The following LRRN1 variants were observed in gnomAD, a reference collection of about 807,000 sequenced individuals.
LRRN1 encodes the protein leucine rich repeat neuronal 1.
Under a neutral mutation model 45.8 loss-of-function variants are expected in LRRN1, and 14 were observed. The ratio of observed to expected loss-of-function variants is 0.31; its 90% confidence interval spans 0.20 to 0.48. The LOEUF is 0.48. Ranked by LOEUF, LRRN1 falls within the 20% of genes least tolerant of loss-of-function variation. The pLI is 0.99. For missense variants in LRRN1, 789 were observed against 874.2 expected, an observed-to-expected ratio of 0.90 and a Z score of 1.23; for synonymous variants, 359 against 330.1, an observed-to-expected ratio of 1.09 and a Z score of -0.95.
chr3:3,830,452 C>T (rs1693341698), intron 1 of LRRN1, among the ~76,000 whole-genome samples: 1 of 152,232 alleles, frequency 6.6e-6, no homozygotes, highest in Non-Finnish European at 1.5e-5. Flanking sequence ...GGGAAGATTA[C>T]CCTCCACCGC....
At chr3:3,839,027 CTGT>C (rs967690780) in intron 1 of LRRN1, among the ~76,000 whole-genome samples, 2 of 151,992 alleles carry the variant, frequency 1.3e-5, no homozygotes, top group Non-Finnish European at 2.9e-5. Context: ...CATTTGTCTT[CTGT>C]TGTTGTTGTC....
chr3:3,828,514 C>T (rs1693281070), intron 1 of LRRN1, among the ~76,000 whole-genome samples: 1 of 152,002 alleles, frequency 6.6e-6, no homozygotes. Flanking sequence ...AAGATTAATA[C>T]TTTGTATCCC....
chr3:3,809,702 A>G (rs1187881041), intron 1 of LRRN1, among the ~76,000 whole-genome samples: 3 of 152,196 alleles, frequency 2.0e-5, no homozygotes, highest in Admixed American at 1.3e-4. Flanking sequence ...TGTGATCTAG[A>G]GTGATTTCAT....
chr3:3,828,904 G>T (rs1381758987), intron 1 of LRRN1, among the ~76,000 whole-genome samples: 1 of 152,020 alleles, frequency 6.6e-6, no homozygotes, highest in Non-Finnish European at 1.5e-5. Flanking sequence ...ATCGTAGCTG[G>T]TATTGATGAC....
In LRRN1 at chr3:3,846,618, A is replaced by G; in HGVS notation, c.1977A>G (p.Lys659=). Residue 659 remains lysine, a synonymous_variant, in exon 2 of 2, where the codon AAA becomes AAG. Transcript: ENST00000319331. This position sits in a 1 kb window ranked among gnomAD's most constrained non-coding sequence, Gnocchi z 5.7. ...ACTTTGCCAAAAGATTTAAGAGAAA[A>G]AACTACCACCACTCATTAAAAAAGT... ...AVYFAKRFKR[K]NYHHSLKKYM... 1 of 1,614,096 alleles carries G rather than the reference A, an allele frequency of 6.2e-7. No individual in the cohort carries two copies. Among genetic ancestry groups the G allele is most frequent in the Non-Finnish European group, 8.5e-7 (1 of 1,180,010 alleles).
At chr3:3,819,264 G>A (rs548512803) in intron 1 of LRRN1, among the ~76,000 whole-genome samples, 2 of 152,286 alleles carry the variant, frequency 1.3e-5, no homozygotes, top group South Asian at 4.1e-4. Context: ...TGGAATTACA[G>A]GTGTGAGCCA....
chr3:3,832,863 C>T (rs1230814799), intron 1 of LRRN1, among the ~76,000 whole-genome samples: 1 of 152,152 alleles, frequency 6.6e-6, no homozygotes, highest in Non-Finnish European at 1.5e-5. Flanking sequence ...ATCAATTTCA[C>T]TTCTAGGAAC....
At position 3,805,431 on chromosome 3, in the gene LRRN1, C is replaced by T. The variant is rs115477296; in HGVS notation, c.-279+5512C>T. On this transcript the variant is annotated intron_variant, in intron 1 of 1. Coordinates refer to ENST00000319331, the MANE Select transcript of LRRN1 (RefSeq NM_020873.7). Reference sequence around the variant, plus strand: ...AGTACTGTACAGAGAATCAGGAAGGCGCAGGCTCAATTCCCAGCAATGACA... The same window carrying T: ...AGTACTGTACAGAGAATCAGGAAGGTGCAGGCTCAATTCCCAGCAATGACA... Among the ~76,000 whole-genome samples, 1,140 of 152,256 alleles carry T rather than the reference C, an allele frequency of 7.5e-3. 14 individuals carry two copies. Among genetic ancestry groups the T allele is most frequent in the African/African-American group, 0.026 (1,085 of 41,534 alleles).
Position 3,845,000 on chromosome 3 carries a change from A to G in LRRN1, c.359A>G (p.Gln120Arg). 1 of 1,614,176 alleles carries G rather than the reference A, an allele frequency of 6.2e-7. No individual in the cohort carries two copies. Among genetic ancestry groups the G allele is most frequent in the South Asian group, 1.1e-5 (1 of 91,086 alleles). The change falls in exon 2 of 2, where the codon CAG becomes CGG. Residue 120 changes from glutamine (Q) to arginine (R), a missense_variant. By Grantham distance (43) the Gln-to-Arg change is conservative. Transcript: ENST00000319331. The part of the protein sequence containing the change: ...IKEVGLANLT[Q>R]LTTLHLEENQ... ...GAGGTCGGGCTGGCAAACCTAACCC[A>G]GCTCACAACGCTGCATTTGGAGGAA...
chr3:3,806,145 T>C (rs1191426895), intron 1 of LRRN1, among the ~76,000 whole-genome samples: 4 of 152,142 alleles, frequency 2.6e-5, no homozygotes, highest in African/African-American at 7.2e-5. Context: ...CTCAACATCC[T>C]AAAATGCATA....
Position 3,846,371 on chromosome 3 carries a change from A to C in LRRN1, c.1730A>C (p.Asp577Ala), listed in dbSNP as rs1323673790. Reference sequence around the variant, plus strand: ...ACATATACTGCCAGGGTCCCAGTCGATGTCCATGAATACAACCTAACGCAT... The same window carrying C: ...ACATATACTGCCAGGGTCCCAGTCGCTGTCCATGAATACAACCTAACGCAT... ...HITYTARVPV[D>A]VHEYNLTHLQ... Residue 577 changes from aspartate (D) to alanine (A), a missense_variant, in exon 2 of 2, where the codon GAT becomes GCT. By Grantham distance (126) the Asp-to-Ala change is moderately radical. Transcript: ENST00000319331. This position sits in a 1 kb window ranked among gnomAD's most constrained non-coding sequence, Gnocchi z 5.7. The C allele has an allele frequency of 1.2e-6, 2 of 1,613,830 alleles. No individual in the cohort carries two copies. Among genetic ancestry groups the C allele is most frequent in the South Asian group, 2.2e-5 (2 of 91,088 alleles).
At chr3:3,833,791 G>A (rs1353190033) in intron 1 of LRRN1, among the ~76,000 whole-genome samples, 2 of 152,166 alleles carry the variant, frequency 1.3e-5, no homozygotes, top group Non-Finnish European at 2.9e-5. Flanking sequence ...AGGGGATGTT[G>A]CCACTACTGG....
At position 3,802,499 on chromosome 3, in the gene LRRN1, G is replaced by T. The variant is rs548184200; in HGVS notation, c.-279+2580G>T. ...AAAAAAAAGACAACATTGTTTTGGA[G>T]GGCTCAGTGTTTCGGGGGAGGGGTG... On this transcript the variant is annotated intron_variant, in intron 1 of 1. Transcript: ENST00000319331. 1.4e-4 allele frequency among the ~76,000 whole-genome samples: 21 copies of T among 152,276 alleles called. No individual in the cohort carries two copies. The South Asian group carries it at 3.9e-3, about 29-fold the overall frequency.
At chr3:3,807,727 A>G (rs1372564) in intron 1 of LRRN1, among the ~76,000 whole-genome samples, 1 of 152,082 alleles carries the variant, frequency 6.6e-6, no homozygotes, top group Admixed American at 6.5e-5. Flanking sequence ...GAGAGTTTCC[A>G]GGACACATGT....
At chr3:3,829,579 T>G (rs1427682780) in intron 1 of LRRN1, among the ~76,000 whole-genome samples, 2 of 152,200 alleles carry the variant, frequency 1.3e-5, no homozygotes, top group Non-Finnish European at 2.9e-5. Context: ...TATTGTCACC[T>G]AGTTGGCATT....
chr3:3,828,135 TATA>T (rs1315417925), intron 1 of LRRN1, among the ~76,000 whole-genome samples: 4 of 2,586 alleles, frequency 1.5e-3, no homozygotes. Flanking sequence ...GACAGAATTA[TATA>T]TATATATATA....
At position 3,832,014 on chromosome 3, in the gene LRRN1, G is replaced by A. The variant is rs544153800; in HGVS notation, c.-278-12350G>A. On this transcript the variant is annotated intron_variant, in intron 1 of 1. Transcript: ENST00000319331. ...TCAATGGCTGCATACCAGGTACCAG[G>A]AGACGTGTTAATTTGCTCAAGCAAT... is the stretch of plus-strand genomic sequence containing the variant. Among the ~76,000 whole-genome samples, 229 of 152,350 alleles carry A rather than the reference G, an allele frequency of 1.5e-3. 2 individuals are homozygous for A. Among genetic ancestry groups the A allele is most frequent in the African/African-American group, 5.1e-3 (211 of 41,590 alleles).
chr3:3,803,269 T>G (rs1158978820), intron 1 of LRRN1, among the ~76,000 whole-genome samples: 1 of 152,196 alleles, frequency 6.6e-6, no homozygotes. Flanking sequence ...GGAGTTATAT[T>G]GCTACTTCCC....
At chr3:3,841,453 C>G (rs918399973) in intron 1 of LRRN1, among the ~76,000 whole-genome samples, 6 of 152,090 alleles carry the variant, frequency 3.9e-5, no homozygotes, top group Non-Finnish European at 8.8e-5. Flanking sequence ...TTACTCTAAA[C>G]AGAAACAAGA....
Sources: gnomAD v4.1 joint callset for allele counts (sites outside exome capture counted in the v4.1 genomes callset) on GRCh38, gnomAD v4.1.1 for gene constraint, Gnocchi (gnomAD v3.1) non-coding constraint, MANE v1.5 for transcripts, NCBI Gene and HGNC (gene_info 2026-07-23, HGNC 2026-07-21) for gene names.